CPSF4L: variants seen among roughly 807,000 people sequenced by gnomAD.
CPSF4L encodes the protein cleavage and polyadenylation specific factor 4 like, also known as putative cleavage and polyadenylation specificity factor subunit 4-like protein.
Under a neutral mutation model 24.0 loss-of-function variants are expected in CPSF4L, and 18 were observed. The observed-to-expected ratio is 0.75, with a 90% CI of 0.52 to 1.11. The LOEUF (loss-of-function observed/expected upper bound fraction) is 1.11, where lower values mean the gene tolerates loss of function less well. Ranked by LOEUF, CPSF4L falls within the 50% of genes least tolerant of loss-of-function variation. The probability of loss-of-function intolerance (pLI) is 0.00; values close to 1 mark genes in which losing one functional copy is unlikely to be tolerated. For synonymous variants in CPSF4L, 72 were observed against 77.2 expected (o/e 0.93, Z 0.35); for missense variants, 211 against 221.8 (o/e 0.95, Z 0.31).
Position 73,253,949 on chromosome 17 carries a change from G to C in CPSF4L, c.385C>G (p.Gln129Glu), listed in dbSNP as rs367548246. The C allele has an allele frequency of 2.6e-6, 4 of 1,551,314 alleles. No homozygotes were observed. In the Admixed American group the frequency reaches 7.8e-5, roughly 30 times the overall value. Residue 129 changes from glutamine to glutamate, a missense_variant, in exon 4 of 6, where the codon CAA (glutamine) becomes GAA (glutamate). Physicochemically the swap from Gln to Glu is conservative, Grantham distance 29. Coordinates refer to ENST00000344935, the MANE Select transcript of CPSF4L (RefSeq NM_001129885.1). ...FKSQDCPWYDQGFCKDGPLCK... is the reference protein window; with the variant it reads ...FKSQDCPWYDEGFCKDGPLCK... Reference sequence around the variant, plus strand: ...GCCTCACCGTCCTTGCAGAAACCTTGGTCATACCAAGGACAGTCCTGGGAC... The same window carrying C: ...GCCTCACCGTCCTTGCAGAAACCTTCGTCATACCAAGGACAGTCCTGGGAC...
intron 1 of CPSF4L, 21 bp from the exon 2 acceptor site, chr17:73,261,004 G>T (rs368084663): frequency 1.3e-6 from 2 of 1,546,924 alleles, no homozygotes; most frequent in Admixed American, 2.0e-5. Flanking sequence ...AAGAGGGAAC[G>T]GAGAAGGTAG....
intron 2 of CPSF4L, among the ~76,000 whole-genome samples, chr17:73,259,682 C>T (rs1030511543): frequency 3.7e-4 from 56 of 152,176 alleles, no homozygotes; most frequent in Non-Finnish European, 8.8e-5. Context: ...AGGCCTTGGG[C>T]GACCAGTGAT....
intron 5 of CPSF4L, 179 bp from the exon 6 acceptor site, chr17:73,248,715 G>C: frequency 1.5e-6 from 1 of 662,454 alleles, no homozygotes; most frequent in Non-Finnish European, 2.7e-6. Context: ...TGAATACCCC[G>C]GCTGTAACTC....
chr17:73,246,521 A>T (rs1346942540), downstream of CPSF4L, among the ~76,000 whole-genome samples: 1 of 152,186 alleles, frequency 6.6e-6, no homozygotes, highest in Non-Finnish European at 1.5e-5. Context: ...GGGTGATGGA[A>T]GTGAAACCTT....
downstream of CPSF4L, chr17:73,245,081 AAG>A (rs1288139285): frequency 7.8e-6 from 10 of 1,282,532 alleles, no homozygotes; most frequent in East Asian, 2.1e-4. Flanking sequence ...ATAAAACAAA[AAG>A]AGAATGATCT....
intron 5 of CPSF4L, chr17:73,249,989 C>T (rs1307053603): frequency 1.6e-5 from 6 of 370,230 alleles, no homozygotes; most frequent in Admixed American, 4.5e-5. Context: ...CCCATAGACT[C>T]GAGCTTTTGG....
At chr17:73,254,049 T>A (rs2062015347) in intron 3 of CPSF4L, 23 bp from the exon 4 acceptor site, 1 of 1,529,692 alleles carries the variant, frequency 6.5e-7, no homozygotes, top group South Asian at 1.2e-5. Flanking sequence ...GCACTCTCTG[T>A]AGAAGCAGTT....
intron 3 of CPSF4L, among the ~76,000 whole-genome samples, chr17:73,257,290 G>A (rs1468179492): frequency 6.6e-6 from 1 of 152,112 alleles, no homozygotes; most frequent in Non-Finnish European, 1.5e-5. Flanking sequence ...GGCTTTGAGG[G>A]TACAGCAGGC....
At chr17:73,260,302 C>T (rs769558009) in intron 2 of CPSF4L, among the ~76,000 whole-genome samples, 42 of 152,174 alleles carry the variant, frequency 2.8e-4, no homozygotes, top group South Asian at 2.1e-4. Flanking sequence ...CTCAGACACA[C>T]GCCCATCCCA....
the CPSF4L span, among the ~76,000 whole-genome samples, chr17:73,242,628 CA>C: frequency 6.6e-6 from 1 of 152,150 alleles, no homozygotes; most frequent in Non-Finnish European, 1.5e-5. Context: ...CTCCCAAAGC[CA>C]GAAAAACTCT....
At chr17:73,253,023 T>C (rs1441475649) in intron 4 of CPSF4L, among the ~76,000 whole-genome samples, 1 of 152,130 alleles carries the variant, frequency 6.6e-6, no homozygotes, top group African/African-American at 2.4e-5. Flanking sequence ...TGAACCACAC[T>C]TTGTTGCCTT....
intron 2 of CPSF4L, among the ~76,000 whole-genome samples, chr17:73,260,681 C>T (rs1009580828): frequency 1.3e-5 from 2 of 152,108 alleles, no homozygotes; most frequent in Non-Finnish European, 2.9e-5. Flanking sequence ...GAAGGAGAAT[C>T]GCTTGAACCC....
chr17:73,248,488 C>G lies in CPSF4L; in HGVS notation c.*6G>C, dbSNP rs1212230436. On this transcript the variant is annotated 3_prime_UTR_variant, in exon 6 of 6. Coordinates refer to ENST00000344935, the MANE Select transcript of CPSF4L (RefSeq NM_001129885.1). Reference sequence around the variant, plus strand: ...TTGGAGTGCCCCGCTAGGTAAGAAGCAACGCTTAGATCTTGCTTCCAGGCA... The same window carrying G: ...TTGGAGTGCCCCGCTAGGTAAGAAGGAACGCTTAGATCTTGCTTCCAGGCA... 2.6e-6 allele frequency: 4 copies of G among 1,551,536 alleles called. No individual in the cohort carries two copies. The highest frequency in any genetic ancestry group is 1.4e-5 in the African/African-American group (1 of 73,032).
intron 2 of CPSF4L, 95 bp from the exon 3 acceptor site, chr17:73,257,928 C>G: frequency 1.5e-6 from 2 of 1,323,984 alleles, no homozygotes; most frequent in East Asian, 2.5e-5. Context: ...GTACCTGACT[C>G]AGTCCCCAGC....
chr17:73,254,036 C>T lies in CPSF4L; in HGVS notation c.308-10G>A. ...TTGTTGCTGCAGTCACCTGAAAATCCCAGCACTCTCTGTAGAAGCAGTTTC... is the reference window on the plus strand; with the variant it reads ...TTGTTGCTGCAGTCACCTGAAAATCTCAGCACTCTCTGTAGAAGCAGTTTC... On this transcript the variant is annotated splice_polypyrimidine_tract_variant and intron_variant, in intron 3 of 5. Transcript: ENST00000344935. 1 of 1,547,432 alleles carries T rather than the reference C, an allele frequency of 6.5e-7. No homozygotes were observed.
upstream of CPSF4L, among the ~76,000 whole-genome samples, chr17:73,263,331 C>T (rs901315186): frequency 2.0e-5 from 3 of 152,148 alleles, no homozygotes; most frequent in African/African-American, 7.2e-5. Flanking sequence ...CCCTAAACAT[C>T]CCTGAGCATC....
At chr17:73,259,501 C>G (rs574618386) in intron 2 of CPSF4L, among the ~76,000 whole-genome samples, 218 of 152,256 alleles carry the variant, frequency 1.4e-3, no homozygotes, top group African/African-American at 5.1e-3. Context: ...TTTTAAATAC[C>G]CCTAACCTCC....
At chr17:73,262,968 C>T (rs1219803990), upstream of CPSF4L, among the ~76,000 whole-genome samples, 1 of 152,106 alleles carries the variant, frequency 6.6e-6, no homozygotes, top group Non-Finnish European at 1.5e-5. Flanking sequence ...GAGATAGACA[C>T]CTGGAGCCGA....
chr17:73,258,012 CT>C (rs549043197), intron 2 of CPSF4L, among the ~76,000 whole-genome samples, 179 bp from the exon 3 acceptor site: 2,268 of 139,176 alleles, frequency 0.016, 36 homozygotes, highest in African/African-American at 0.045. Flanking sequence ...GAAGGGAGAG[CT>C]TTTTTTTTTT....
Sources: gnomAD v4.1 joint callset for allele counts (sites outside exome capture counted in the v4.1 genomes callset) on GRCh38, gnomAD v4.1.1 for gene constraint, MANE v1.5 for transcripts, NCBI Gene and HGNC (gene_info 2026-07-23, HGNC 2026-07-21) for gene names.